The following RXFP3 variants were observed in gnomAD, a reference collection of about 807,000 sequenced individuals.
RXFP3 encodes the protein relaxin-3 receptor 1.
RXFP3 carries 31 observed loss-of-function variants against 27.3 expected under a neutral mutation model. The ratio of observed to expected loss-of-function variants is 1.13; its 90% CI spans 0.85 to 1.53. The LOEUF is 1.53. Ranked by LOEUF, RXFP3 falls within the 40% of genes most tolerant of loss-of-function variation. The pLI, the probability that RXFP3 is intolerant of heterozygous loss-of-function variation, is 0.00. For missense variants in RXFP3, 684 were observed against 642.1 expected (o/e 1.07, Z -0.70); for synonymous variants, 351 against 293.6 (o/e 1.20, Z -2.00).
Position 33,936,987 on chromosome 5 carries a change from CTCA to C in RXFP3, c.251_253del (p.Ile84del). 1.2e-6 allele frequency: 2 copies of C among 1,612,922 alleles called. No homozygotes were observed. The highest frequency in any genetic ancestry group is 1.7e-6 in the Non-Finnish European group (2 of 1,179,216). On this transcript the variant is annotated inframe_deletion, in exon 1 of 1. Coordinates refer to ENST00000330120, the MANE Select transcript of RXFP3 (RefSeq NM_016568.3). ...GGACACAGAGGCCCGGGTGCGGATT[CTCA>C]TCAGCGTGGTGTACTGGGTGGTGTG...
In RXFP3 at chr5:33,936,821, G is replaced by A. The variant is rs758171237; in HGVS notation, c.81G>A (p.Leu27=). ...ACAAGCTAGCAGAACTCTTCAGTCTGGTCCCGGACCTTCTGGAGGCGGCCA... is the reference window on the plus strand; with the variant it reads ...ACAAGCTAGCAGAACTCTTCAGTCTAGTCCCGGACCTTCTGGAGGCGGCCA... The part of the protein sequence containing the change: ...GGDKLAELFS[L]VPDLLEAANT... Residue 27 remains leucine, a synonymous_variant, in exon 1 of 1, where the codon CTG becomes CTA. Transcript: ENST00000330120. 2 of 1,580,782 alleles carry A rather than the reference G, an allele frequency of 1.3e-6. No individual in the cohort carries two copies.
At position 33,937,962 on chromosome 5, in the gene RXFP3, G is replaced by A. The variant is rs866874138; in HGVS notation, c.1222G>A (p.Ala408Thr). 3.1e-6 allele frequency: 5 copies of A among 1,613,158 alleles called. No individual in the cohort carries two copies. In the African/African-American group the frequency reaches 4.0e-5, roughly 13 times the overall value. The change falls in exon 1 of 1, where the codon GCG (alanine) becomes ACG (threonine). Residue 408 changes from alanine (A) to threonine (T), a missense_variant. Physicochemically the swap from Ala to Thr is moderately conservative, Grantham distance 58 (BLOSUM62 0). Transcript: ENST00000330120. ...GCTCAAGAGCCTGCTGTGGCGCATCGCGTCTCCTTCGATCACCAGCATGCG... is the reference window on the plus strand; with the variant it reads ...GCTCAAGAGCCTGCTGTGGCGCATCACGTCTCCTTCGATCACCAGCATGCG... The part of the protein sequence containing the change: ...KALKSLLWRI[A>T]SPSITSMRPF...
In RXFP3 at chr5:33,937,031, G is replaced by A. The variant is rs1404451887; in HGVS notation, c.291G>A (p.Ala97=). 1 of 1,614,012 alleles carries A rather than the reference G, an allele frequency of 6.2e-7. No homozygotes were observed. ...VYWVVCALGL[A]GNLLVLYLMK... ...GGGTGGTGTGCGCCCTGGGGTTGGC[G>A]GGCAACCTGCTGGTTCTCTACCTGA... The change falls in exon 1 of 1, where the codon GCG becomes GCA. Residue 97 remains alanine (A), a synonymous_variant. Coordinates refer to ENST00000330120, the MANE Select transcript of RXFP3 (RefSeq NM_016568.3).
Position 33,937,535 on chromosome 5 carries a change from C to A in RXFP3, c.795C>A (p.Gly265=). ...GCCGCGACAGGCAGTTCTGGCTGGG[C>A]CTCTACCACTCGCAGAAGGTGCTGC... The part of the protein sequence containing the change: ...LLGRDRQFWL[G]LYHSQKVLLG... Residue 265 remains glycine (G), a synonymous_variant, in exon 1 of 1, where the codon GGC becomes GGA. Coordinates refer to ENST00000330120, the MANE Select transcript of RXFP3 (RefSeq NM_016568.3). 1 of 1,578,204 alleles carries A rather than the reference C, an allele frequency of 6.3e-7. No individual in the cohort carries two copies. Among genetic ancestry groups the A allele is most frequent in the East Asian group, 2.4e-5 (1 of 42,528 alleles).
Position 33,937,043 on chromosome 5 carries a change from G to C in RXFP3, c.303G>C (p.Leu101=). ...CCCTGGGGTTGGCGGGCAACCTGCT[G>C]GTTCTCTACCTGATGAAGAGCATGC... ...VCALGLAGNL[L]VLYLMKSMQG... is the part of the protein sequence containing the mutation. The change falls in exon 1 of 1, where the codon CTG becomes CTC. Residue 101 remains leucine, a synonymous_variant. Transcript: ENST00000330120. 1 of 1,614,216 alleles carries C rather than the reference G, an allele frequency of 6.2e-7. No individual in the cohort carries two copies.
Position 33,936,908 on chromosome 5 carries a change from G to C in RXFP3, c.168G>C (p.Leu56Phe). 3 of 1,601,826 alleles carry C rather than the reference G, an allele frequency of 1.9e-6. No individual in the cohort carries two copies. Among genetic ancestry groups the C allele is most frequent in the Non-Finnish European group, 2.6e-6 (3 of 1,171,112 alleles). ...PDLWWELGLE[L>F]PDGAPPGHPP... ...TGTGGTGGGAGCTGGGGCTGGAGTT[G>C]CCGGACGGCGCGCCGCCAGGACATC... Residue 56 changes from leucine to phenylalanine, a missense_variant, in exon 1 of 1, where the codon TTG (leucine) becomes TTC (phenylalanine). Transcript: ENST00000330120.
In RXFP3 at chr5:33,938,057, G is replaced by C. The variant is rs1184420522; in HGVS notation, c.1317G>C (p.Ala439=). Residue 439 remains alanine (A), a synonymous_variant, in exon 1 of 1, where the codon GCG becomes GCC. Transcript: ENST00000330120. ...QGLQAPAPPH[A]AAEPDLLYYP... ...TGCAGGCCCCGGCGCCGCCCCACGC[G>C]GCCGCGGAGCCGGACCTGCTCTACT... is the stretch of plus-strand genomic sequence containing the variant. 6.2e-7 allele frequency: 1 copy of C among 1,611,638 alleles called. No homozygotes were observed. The highest frequency in any genetic ancestry group is 1.7e-5 in the Admixed American group (1 of 59,966).
rs1751666528 is a variant in RXFP3 at position 33,936,533 on chromosome 5, T to TC, written c.-206dup. 1 of 476,608 alleles carries TC rather than the reference T, an allele frequency of 2.1e-6. No individual in the cohort carries two copies. The highest frequency in any genetic ancestry group is 6.5e-5 in the South Asian group (1 of 15,272). The allele number at this position is 476,608 out of a possible 1,614,324, so 29.5% of individuals were successfully genotyped here. ...TACGGGCTGCACTCCTCAACTCTGC[T>TC]CCAAAGCAGCCGCTGAGCTCAACTC... On this transcript the variant is annotated 5_prime_UTR_variant, in exon 1 of 1. Coordinates refer to ENST00000330120, the MANE Select transcript of RXFP3 (RefSeq NM_016568.3).
At position 33,937,940 on chromosome 5, in the gene RXFP3, C is replaced by T; in HGVS notation, c.1200C>T (p.Leu400=). The T allele has an allele frequency of 6.2e-7, 1 of 1,613,584 alleles. No individual in the cohort carries two copies. Among genetic ancestry groups the T allele is most frequent in the South Asian group, 1.1e-5 (1 of 91,082 alleles). ...TGCGCCGCGAGTTCCGCAAGGCGCT[C>T]AAGAGCCTGCTGTGGCGCATCGCGT... ...CLVRREFRKA[L]KSLLWRIASP... Residue 400 remains leucine (L), a synonymous_variant, in exon 1 of 1, where the codon CTC becomes CTT. Transcript: ENST00000330120.
Position 33,938,909 on chromosome 5 carries a change from C to G in RXFP3, c.*759C>G, listed in dbSNP as rs1259292907. On this transcript the variant is annotated 3_prime_UTR_variant, in exon 1 of 1. Coordinates refer to ENST00000330120, the MANE Select transcript of RXFP3 (RefSeq NM_016568.3). ...GGGAGAGCCATTCTCTGGGGAGTGT[C>G]GTCGCTGCGGGAGGGAGGAGACACA... Among the ~76,000 whole-genome samples, 1 of 152,156 alleles carries G rather than the reference C, an allele frequency of 6.6e-6. No individual in the cohort carries two copies. The highest frequency in any genetic ancestry group is 1.5e-5 in the Non-Finnish European group (1 of 68,032).
chr5:33,936,689 C>A lies in RXFP3; in HGVS notation c.-52C>A. On this transcript the variant is annotated 5_prime_UTR_variant, in exon 1 of 1. Transcript: ENST00000330120. Reference sequence around the variant, plus strand: ...AGCCTGGCAACAAAACTGGGGTAAACCGTGTTATCTTAGGTCTTGTCCCCC... The same window carrying A: ...AGCCTGGCAACAAAACTGGGGTAAAACGTGTTATCTTAGGTCTTGTCCCCC... The A allele has an allele frequency of 6.8e-7, 1 of 1,468,742 alleles. No homozygotes were observed. Among genetic ancestry groups the A allele is most frequent in the Non-Finnish European group, 9.1e-7 (1 of 1,102,132 alleles). 91.0% of individuals were successfully genotyped at this position (1,468,742 alleles called of 1,614,324 possible).
chr5:33,938,246 A>G lies in RXFP3; in HGVS notation c.*96A>G. ...ATGAAGGAGGGCTGGGGGGGGCCCC[A>G]TTTAAGAAGTAGGTGGGAGGAGGAT... On this transcript the variant is annotated 3_prime_UTR_variant, in exon 1 of 1. Transcript: ENST00000330120. The G allele has an allele frequency of 8.9e-7, 1 of 1,118,160 alleles. No individual in the cohort carries two copies. The highest frequency in any genetic ancestry group is 1.3e-6 in the Non-Finnish European group (1 of 791,242). 69.3% of individuals were successfully genotyped at this position (1,118,160 alleles called of 1,614,324 possible). A position where few individuals can be genotyped will look rare whatever the true frequency, so the allele number is the denominator to read the frequency against.
In RXFP3 at chr5:33,938,040, C is replaced by G. The variant is rs943555578; in HGVS notation, c.1300C>G (p.Pro434Ala). The stretch of plus-strand genomic sequence containing the variant: ...GCACGAGGATCAGGGGCTGCAGGCC[C>G]CGGCGCCGCCCCACGCGGCCGCGGA... ...PEHEDQGLQAPAPPHAAAEPD... is the reference protein window; with the variant it reads ...PEHEDQGLQAAAPPHAAAEPD... The change falls in exon 1 of 1, where the codon CCG (proline) becomes GCG (alanine). Residue 434 changes from proline to alanine, a missense_variant. Physicochemically the swap from Pro to Ala is conservative, Grantham distance 27. Transcript: ENST00000330120. The G allele has an allele frequency of 3.7e-6, 6 of 1,611,786 alleles. No individual in the cohort carries two copies. In the African/African-American group the frequency reaches 8.0e-5, roughly 22 times the overall value.
chr5:33,937,918 G>T lies in RXFP3; in HGVS notation c.1178G>T (p.Arg393Leu). The change falls in exon 1 of 1, where the codon CGC becomes CTC. Residue 393 changes from arginine (R) to leucine (L), a missense_variant. Transcript: ENST00000330120. Reference sequence around the variant, plus strand: ...AACCCCGTCCTCTACTGCCTCGTGCGCCGCGAGTTCCGCAAGGCGCTCAAG... The same window carrying T: ...AACCCCGTCCTCTACTGCCTCGTGCTCCGCGAGTTCCGCAAGGCGCTCAAG... ...CLNPVLYCLVRREFRKALKSL... is the reference protein window; with the variant it reads ...CLNPVLYCLVLREFRKALKSL... The T allele has an allele frequency of 6.2e-7, 1 of 1,613,634 alleles. No homozygotes were observed. The highest frequency in any genetic ancestry group is 8.5e-7 in the Non-Finnish European group (1 of 1,180,028).
In RXFP3 at chr5:33,936,959, C is replaced by A. The variant is rs536023240; in HGVS notation, c.219C>A (p.Ser73Arg). 1.1e-5 allele frequency: 18 copies of A among 1,607,966 alleles called. No individual in the cohort carries two copies. The highest frequency in any genetic ancestry group is 3.3e-5 in the South Asian group (3 of 90,652). ...CCCCGGGCAGCGGCGGGGCAGAGAG[C>A]GCGGACACAGAGGCCCGGGTGCGGA... ...GHPPGSGGAE[S>R]ADTEARVRIL... The change falls in exon 1 of 1, where the codon AGC becomes AGA. Residue 73 changes from serine (S) to arginine (R), a missense_variant. By Grantham distance (110) the Ser-to-Arg change is moderately radical. Coordinates refer to ENST00000330120, the MANE Select transcript of RXFP3 (RefSeq NM_016568.3).
chr5:33,937,247 C>G lies in RXFP3; in HGVS notation c.507C>G (p.Ser169Arg). ...SMVTSMNMYA[S>R]VFFLTAMSVT... Reference sequence around the variant, plus strand: ...TGACGTCCATGAACATGTACGCCAGCGTGTTCTTCCTCACTGCCATGAGTG... The same window carrying G: ...TGACGTCCATGAACATGTACGCCAGGGTGTTCTTCCTCACTGCCATGAGTG... Residue 169 changes from serine (S) to arginine (R), a missense_variant, in exon 1 of 1, where the codon AGC (serine) becomes AGG (arginine). Transcript: ENST00000330120. The G allele has an allele frequency of 6.2e-7, 1 of 1,614,012 alleles. No homozygotes were observed. The highest frequency in any genetic ancestry group is 8.5e-7 in the Non-Finnish European group (1 of 1,180,030).
Position 33,936,589 on chromosome 5 carries a change from A to G in RXFP3, c.-152A>G. 1.5e-6 allele frequency: 1 copy of G among 674,078 alleles called. No individual in the cohort carries two copies. Among genetic ancestry groups the G allele is most frequent in the East Asian group, 2.9e-5 (1 of 33,960 alleles). The allele number at this position is 674,078 out of a possible 1,614,324, so 41.8% of individuals were successfully genotyped here. ...TCCAGGGCGTTCGCTGCGCGCCAGG[A>G]CGCGCTTAGTACCCAGTTCCTGGGC... On this transcript the variant is annotated 5_prime_UTR_variant, in exon 1 of 1. Transcript: ENST00000330120.
chr5:33,936,938 G>C lies in RXFP3; in HGVS notation c.198G>C (p.Pro66=), dbSNP rs760906672. ...ACGGCGCGCCGCCAGGACATCCCCC[G>C]GGCAGCGGCGGGGCAGAGAGCGCGG... ...LPDGAPPGHP[P]GSGGAESADT... Residue 66 remains proline, a synonymous_variant, in exon 1 of 1, where the codon CCG becomes CCC. Coordinates refer to ENST00000330120, the MANE Select transcript of RXFP3 (RefSeq NM_016568.3). 2 of 1,602,390 alleles carry C rather than the reference G, an allele frequency of 1.2e-6. No homozygotes were observed. Among genetic ancestry groups the C allele is most frequent in the Non-Finnish European group, 8.5e-7 (1 of 1,171,026 alleles).
chr5:33,937,780 C>T lies in RXFP3; in HGVS notation c.1040C>T (p.Thr347Ile). The T allele has an allele frequency of 6.2e-7, 1 of 1,614,168 alleles. No homozygotes were observed. Among genetic ancestry groups the T allele is most frequent in the African/African-American group, 1.3e-5 (1 of 75,054 alleles). The part of the protein sequence containing the change: ...LCWLPNQALT[T>I]WSILIKFNAV... Reference sequence around the variant, plus strand: ...TGGCTGCCCAACCAGGCGCTCACCACCTGGAGCATCCTCATCAAGTTCAAC... The same window carrying T: ...TGGCTGCCCAACCAGGCGCTCACCATCTGGAGCATCCTCATCAAGTTCAAC... Residue 347 changes from threonine (T) to isoleucine (I), a missense_variant, in exon 1 of 1, where the codon ACC becomes ATC. Transcript: ENST00000330120.
Sources: gnomAD v4.1 joint callset for allele counts (sites outside exome capture counted in the v4.1 genomes callset) on GRCh38, gnomAD v4.1.1 for gene constraint, MANE v1.5 for transcripts, NCBI Gene and HGNC (gene_info 2026-07-23, HGNC 2026-07-21) for gene names.